ST6GALNAC3: variants seen among roughly 807,000 people sequenced by gnomAD.
ST6GALNAC3 encodes the protein ST6 N-acetylgalactosaminide alpha-2,6-sialyltransferase 3.
Under a neutral mutation model 32.7 loss-of-function variants are expected in ST6GALNAC3, and 25 were observed. The observed-to-expected ratio is 0.76, with a 90% CI of 0.56 to 1.07. The LOEUF is 1.07. Ranked by LOEUF, ST6GALNAC3 falls within the 50% of genes least tolerant of loss-of-function variation. The pLI is 0.00. For synonymous variants in ST6GALNAC3, 129 were observed against 133.1 expected (o/e 0.97, Z 0.21); for missense variants, 355 against 382.4 (o/e 0.93, Z 0.60).
chr1:76,444,786 T>G (rs1420562759), intron 3 of ST6GALNAC3, among the ~76,000 whole-genome samples: 2 of 152,168 alleles, frequency 1.3e-5, no homozygotes, highest in Non-Finnish European at 2.9e-5. Flanking sequence ...GTAGCCAGAT[T>G]GCAACTGTAT....
chr1:76,477,903 T>C (rs1277897945), intron 3 of ST6GALNAC3, among the ~76,000 whole-genome samples: 1 of 152,204 alleles, frequency 6.6e-6, no homozygotes, highest in Admixed American at 6.5e-5. Flanking sequence ...TCTTACTCTT[T>C]CATGGGCTCT....
At chr1:76,267,157 C>T (rs1296934182) in intron 1 of ST6GALNAC3, among the ~76,000 whole-genome samples, 5 of 152,190 alleles carry the variant, frequency 3.3e-5, no homozygotes, top group African/African-American at 1.2e-4. Context: ...ATCCTGACCT[C>T]TTTGACTCAG....
At chr1:76,448,250 G>A (rs550259556) in intron 3 of ST6GALNAC3, among the ~76,000 whole-genome samples, 29 of 152,226 alleles carry the variant, frequency 1.9e-4, no homozygotes, top group Admixed American at 9.8e-4. Context: ...TTAGCACCTT[G>A]GTTTTGGCCA....
At chr1:76,104,086 G>T (rs1387118788) in intron 1 of ST6GALNAC3, among the ~76,000 whole-genome samples, 1 of 152,150 alleles carries the variant, frequency 6.6e-6, no homozygotes, top group Non-Finnish European at 1.5e-5. Flanking sequence ...TTTACAAAAA[G>T]TCTGTTTCAG....
chr1:76,313,472 T>C (rs1646806757), intron 1 of ST6GALNAC3, among the ~76,000 whole-genome samples: 1 of 152,048 alleles, frequency 6.6e-6, no homozygotes, highest in Non-Finnish European at 1.5e-5. Flanking sequence ...GAGGAGGGGA[T>C]TGAGCAATTA....
intron 1 of ST6GALNAC3, among the ~76,000 whole-genome samples, chr1:76,091,119 G>T (rs1197666599): frequency 6.6e-6 from 1 of 152,162 alleles, no homozygotes; most frequent in African/African-American, 2.4e-5. Context: ...CAAGAAGCTG[G>T]GCTAGGATCT....
At chr1:76,298,013 A>G (rs1247314299) in intron 1 of ST6GALNAC3, among the ~76,000 whole-genome samples, 1 of 152,048 alleles carries the variant, frequency 6.6e-6, no homozygotes, top group Admixed American at 6.6e-5. Flanking sequence ...ATTGAAAAGT[A>G]TGGAATTTAT....
chr1:76,356,297 A>G (rs1261660290), intron 2 of ST6GALNAC3, among the ~76,000 whole-genome samples: 2 of 152,314 alleles, frequency 1.3e-5, no homozygotes, highest in East Asian at 3.9e-4. Flanking sequence ...GAAGCAGGCA[A>G]TTCATTTTGA....
chr1:76,144,863 G>A (rs1557652339), intron 1 of ST6GALNAC3, among the ~76,000 whole-genome samples: 2 of 152,126 alleles, frequency 1.3e-5, no homozygotes, highest in Admixed American at 6.5e-5. Context: ...TAGAGGTGAG[G>A]GCCTCCTTTA....
At chr1:76,226,694 A>T (rs1277480091) in intron 1 of ST6GALNAC3, among the ~76,000 whole-genome samples, 1 of 152,086 alleles carries the variant, frequency 6.6e-6, no homozygotes, top group Non-Finnish European at 1.5e-5. Flanking sequence ...GAAGAGAGAG[A>T]GTTGGGGGTG....
intron 3 of ST6GALNAC3, among the ~76,000 whole-genome samples, chr1:76,511,749 A>C (rs1012775496): frequency 2.0e-5 from 3 of 152,218 alleles, no homozygotes; most frequent in African/African-American, 7.2e-5. Flanking sequence ...GAGGACACTT[A>C]AAAATGGAAA....
intron 1 of ST6GALNAC3, among the ~76,000 whole-genome samples, chr1:76,175,827 G>A (rs911289082): frequency 3.3e-5 from 5 of 152,134 alleles, no homozygotes; most frequent in African/African-American, 1.2e-4. Context: ...AGTCATTTTT[G>A]TGTGGTCTTT....
intron 1 of ST6GALNAC3, among the ~76,000 whole-genome samples, chr1:76,180,335 A>G (rs935084091): frequency 1.1e-4 from 16 of 152,208 alleles, no homozygotes. Flanking sequence ...TCAGAGTAGA[A>G]CTAACGTTTA....
intron 1 of ST6GALNAC3, among the ~76,000 whole-genome samples, chr1:76,104,830 G>A (rs902854372): frequency 3.9e-5 from 6 of 152,128 alleles, no homozygotes; most frequent in Non-Finnish European, 7.4e-5. Flanking sequence ...TGAAAGGCAT[G>A]CCTCACCTGC....
At position 76,412,353 on chromosome 1, in the gene ST6GALNAC3, G is replaced by T; in HGVS notation, c.559G>T (p.Val187Leu). The change falls in exon 3 of 5, where the codon GTG becomes TTG. Residue 187 changes from valine (V) to leucine (L), a missense_variant. Coordinates refer to ENST00000328299, the MANE Select transcript of ST6GALNAC3 (RefSeq NM_152996.4). ...VGIYPNAQIY[V>L]TTEKRMSYCD... ...TATCTATCCGAATGCCCAAATATAC[G>T]TGACCACAGAGAAGCGCATGAGTTA... The T allele has an allele frequency of 6.2e-7, 1 of 1,613,296 alleles. No homozygotes were observed. Among genetic ancestry groups the T allele is most frequent in the Non-Finnish European group, 8.5e-7 (1 of 1,179,682 alleles).
intron 2 of ST6GALNAC3, among the ~76,000 whole-genome samples, chr1:76,360,989 C>A (rs77118554): frequency 0.057 from 8,649 of 151,900 alleles, 306 homozygotes; most frequent in African/African-American, 0.1. Flanking sequence ...GTTTCATGGA[C>A]CTCTGATTTC....
intron 2 of ST6GALNAC3, among the ~76,000 whole-genome samples, chr1:76,351,360 T>G (rs1648964847): frequency 1.3e-5 from 2 of 152,164 alleles, no homozygotes; most frequent in African/African-American, 4.8e-5. Flanking sequence ...TTCATAATTA[T>G]CTATATTGTT....
chr1:76,325,128 G>A (rs1647043671), intron 2 of ST6GALNAC3, among the ~76,000 whole-genome samples: 1 of 152,158 alleles, frequency 6.6e-6, no homozygotes, highest in African/African-American at 2.4e-5. Flanking sequence ...CTGGAAGGTT[G>A]GAATTGTCAT....
intron 1 of ST6GALNAC3, among the ~76,000 whole-genome samples, chr1:76,119,015 G>A (rs1648678544): frequency 6.6e-6 from 1 of 152,154 alleles, no homozygotes; most frequent in African/African-American, 2.4e-5. Flanking sequence ...TAGAGACGGG[G>A]TTTCACCATG....
Sources: gnomAD v4.1 joint callset for allele counts (sites outside exome capture counted in the v4.1 genomes callset) on GRCh38, gnomAD v4.1.1 for gene constraint, MANE v1.5 for transcripts, NCBI Gene and HGNC (gene_info 2026-07-23, HGNC 2026-07-21) for gene names.